PTPRT: variants seen among roughly 807,000 people sequenced by gnomAD.
PTPRT encodes the protein protein tyrosine phosphatase receptor type T.
In PTPRT, 56 loss-of-function variants were observed where a neutral mutation model predicts 176.8. The observed-to-expected ratio is 0.32, with a 90% confidence interval of 0.26 to 0.40. The LOEUF (loss-of-function observed/expected upper bound fraction) is 0.40, where lower values mean the gene tolerates loss of function less well. PTPRT is among the 10% of genes least tolerant of loss of function. The pLI, the probability that PTPRT is intolerant of heterozygous loss-of-function variation, is 1.00. For synonymous variants in PTPRT, 783 were observed against 739.0 expected (o/e 1.06, Z -0.96); for missense variants, 1,540 against 1,908.2 (o/e 0.81, Z 3.60).
intron 9 of PTPRT, among the ~76,000 whole-genome samples, chr20:42,446,749 G>C (rs1432248247): frequency 6.6e-6 from 1 of 152,064 alleles, no homozygotes; most frequent in Non-Finnish European, 1.5e-5. Context: ...TGCTAGGCAA[G>C]GTGTATTAGT....
At chr20:42,448,122 A>C in intron 9 of PTPRT, 98 bp downstream of exon 9, 1 of 936,260 alleles carries the variant, frequency 1.1e-6, no homozygotes, top group African/African-American at 1.6e-5. Flanking sequence ...CATCTTACTC[A>C]CCTTTATACG....
intron 13 of PTPRT, among the ~76,000 whole-genome samples, chr20:42,262,238 A>T (rs1214103967): frequency 2.0e-5 from 3 of 152,134 alleles, no homozygotes; most frequent in African/African-American, 7.2e-5. Context: ...TCCCCAAAGG[A>T]TGGATGGAAA....
intron 11 of PTPRT, among the ~76,000 whole-genome samples, chr20:42,318,249 T>C (rs551937491): frequency 3.9e-5 from 6 of 152,196 alleles, no homozygotes; most frequent in Admixed American, 1.3e-4. Context: ...AACTGTACAA[T>C]TCCTATGTTT....
intron 13 of PTPRT, chr20:42,270,363 TCCC>T: frequency 7.5e-7 from 1 of 1,332,716 alleles, no homozygotes; most frequent in Non-Finnish European, 1.0e-6. Flanking sequence ...TGGGCAACTC[TCCC>T]CTCCCACCCG....
At chr20:42,705,968 G>A (rs1434285254) in intron 6 of PTPRT, among the ~76,000 whole-genome samples, 3 of 152,042 alleles carry the variant, frequency 2.0e-5, no homozygotes, top group Non-Finnish European at 2.9e-5. Context: ...CCTTGCCCTT[G>A]ATCTGTTCTG....
At chr20:42,514,786 G>T (rs1001922216) in intron 7 of PTPRT, among the ~76,000 whole-genome samples, 1 of 152,056 alleles carries the variant, frequency 6.6e-6, no homozygotes, top group Non-Finnish European at 1.5e-5. Flanking sequence ...TTTTCCAAGT[G>T]GAAAATCAAT....
At chr20:43,100,111 C>A (rs1164597387) in intron 1 of PTPRT, among the ~76,000 whole-genome samples, 1 of 152,206 alleles carries the variant, frequency 6.6e-6, no homozygotes, top group Admixed American at 6.5e-5. Flanking sequence ...CACAGTGGCT[C>A]ATGCCAGTAA....
At chr20:42,493,145 G>A (rs1487159661) in intron 7 of PTPRT, among the ~76,000 whole-genome samples, 1 of 152,158 alleles carries the variant, frequency 6.6e-6, no homozygotes, top group Non-Finnish European at 1.5e-5. Flanking sequence ...TTTTGCTGGT[G>A]TCACATTTAC....
chr20:42,959,270 T>C (rs1444851994), intron 1 of PTPRT, among the ~76,000 whole-genome samples: 4 of 152,164 alleles, frequency 2.6e-5, no homozygotes, highest in African/African-American at 9.7e-5. Flanking sequence ...TACTACCTGG[T>C]TCATAGAAAG....
In PTPRT at chr20:42,791,434, C is replaced by T. The variant is rs1457746024; in HGVS notation, c.247G>A (p.Ala83Thr). Residue 83 changes from alanine to threonine, a missense_variant, in exon 3 of 31, where the codon GCC (alanine) becomes ACC (threonine). Ala to Thr is a moderately conservative substitution (Grantham distance 58). This residue lies in a region of PTPRT where 116 missense variants were observed against 118.5 expected (regional missense o/e 0.98). Transcript: ENST00000373187. ...SFMMVNSSGRASGQKAHLLLP... is the reference protein window; with the variant it reads ...SFMMVNSSGRTSGQKAHLLLP... ...AGAAGGTGGGCCTTCTGGCCAGAGG[C>T]TCTCCCAGAGCTGTTCACCATCATG... 6.2e-7 allele frequency: 1 copy of T among 1,613,106 alleles called. No homozygotes were observed. Among genetic ancestry groups the T allele is most frequent in the Non-Finnish European group, 8.5e-7 (1 of 1,179,554 alleles).
At chr20:42,135,464 G>A (rs976613903) in intron 18 of PTPRT, among the ~76,000 whole-genome samples, 5 of 152,170 alleles carry the variant, frequency 3.3e-5, no homozygotes, top group African/African-American at 1.2e-4. Flanking sequence ...TGTGGGGTGG[G>A]GCCCATCAAT....
At chr20:43,084,906 C>T (rs1388136481) in intron 1 of PTPRT, among the ~76,000 whole-genome samples, 1 of 152,124 alleles carries the variant, frequency 6.6e-6, no homozygotes, top group Non-Finnish European at 1.5e-5. Flanking sequence ...TGATAAGCAA[C>T]AGGTATTTGC....
chr20:42,115,870 G>C (rs1246041951), intron 21 of PTPRT, among the ~76,000 whole-genome samples: 2 of 152,176 alleles, frequency 1.3e-5, no homozygotes, highest in Non-Finnish European at 2.9e-5. Context: ...GAAGGAGAAA[G>C]GCTCTTGGTT....
chr20:42,481,234 T>A (rs1350782414), intron 7 of PTPRT, among the ~76,000 whole-genome samples: 1 of 152,098 alleles, frequency 6.6e-6, no homozygotes, highest in African/African-American at 2.4e-5. Context: ...CTTACTCTTG[T>A]TATGGAGGTA....
chr20:42,475,696 T>C (rs780942952), intron 7 of PTPRT, among the ~76,000 whole-genome samples: 2 of 152,326 alleles, frequency 1.3e-5, no homozygotes, highest in South Asian at 2.1e-4. Context: ...GGTACAGTGA[T>C]GTAAACACAT....
At chr20:42,972,676 C>CAAAAAAAAAAAAAA (rs33947245) in intron 1 of PTPRT, among the ~76,000 whole-genome samples, 1 of 77,574 alleles carries the variant, frequency 1.3e-5, no homozygotes, top group Non-Finnish European at 2.3e-5. Context: ...TCTCAAAAAG[C>CAAAAAAAAAAAAAA]AAAAAAAAAA....
At chr20:42,086,749 A>ATATATATATATATATATATAT (rs59068856) in intron 27 of PTPRT, among the ~76,000 whole-genome samples, 1 of 75,178 alleles carries the variant, frequency 1.3e-5, no homozygotes, top group African/African-American at 6.1e-5. Flanking sequence ...AAAAAAAAAA[A>ATATATATATATATATATATAT]AAAAATATAT....
intron 18 of PTPRT, 64 bp downstream of exon 18, chr20:42,141,851 A>C: frequency 7.2e-7 from 1 of 1,384,964 alleles, no homozygotes; most frequent in East Asian, 2.3e-5. Flanking sequence ...AAATAATAGT[A>C]ATAGCCTCTT....
chr20:42,379,861 CTG>C (rs765753091), intron 9 of PTPRT, among the ~76,000 whole-genome samples: 171 of 152,332 alleles, frequency 1.1e-3, no homozygotes, highest in Middle Eastern at 3.4e-3. Flanking sequence ...TTTTACAATT[CTG>C]TGAAGCTGAT....
Sources: gnomAD v4.1 joint callset for allele counts (sites outside exome capture counted in the v4.1 genomes callset) on GRCh38, gnomAD v4.1.1 for gene constraint, gnomAD v4.1.1 regional missense constraint, MANE v1.5 for transcripts, NCBI Gene and HGNC (gene_info 2026-07-23, HGNC 2026-07-21) for gene names.